TECPR2: variants seen among roughly 807,000 people sequenced by gnomAD.
TECPR2 encodes tectonin beta-propeller repeat containing 2, also known as tectonin beta-propeller repeat-containing protein 2.
A neutral mutation model predicts 138.1 loss-of-function variants in TECPR2; 65 were observed. The observed-to-expected ratio is 0.47, with a 90% CI of 0.39 to 0.58. The LOEUF (loss-of-function observed/expected upper bound fraction) is 0.58, where lower values mean the gene tolerates loss of function less well. Among genes scored for constraint, TECPR2 ranks in the 20% least tolerant of loss-of-function variants. The pLI is 0.00. For missense variants in TECPR2, 1,553 were observed against 1,824.5 expected, an observed-to-expected ratio of 0.85 and a Z score of 2.71; for synonymous variants, 746 against 749.8, an observed-to-expected ratio of 0.99 and a Z score of 0.08.
At chr14:102,380,710 G>A (rs533545183) in intron 2 of TECPR2, among the ~76,000 whole-genome samples, 2 of 152,148 alleles carry the variant, frequency 1.3e-5, no homozygotes, top group African/African-American at 2.4e-5. Flanking sequence ...ACGGAGTCTC[G>A]CTCTGTCGCC....
chr14:102,414,744 T>C lies in TECPR2; in HGVS notation c.589T>C (p.Tyr197His), dbSNP rs1477883198. 1 of 1,614,254 alleles carries C rather than the reference T, an allele frequency of 6.2e-7. No individual in the cohort carries two copies. The highest frequency in any genetic ancestry group is 1.1e-5 in the South Asian group (1 of 91,088). ...VSTLQRSLLF[Y>H]TEEKSVRQIG... ...TACTCTGCAAAGAAGTCTGCTCTTT[T>C]ACACTGAAGAAAAGTCTGTAAGGCA... Residue 197 changes from tyrosine (Y) to histidine (H), a missense_variant, in exon 5 of 20, where the codon TAC becomes CAC. Transcript: ENST00000359520.
At chr14:102,396,910 T>C (rs1306507534) in intron 2 of TECPR2, among the ~76,000 whole-genome samples, 1 of 152,226 alleles carries the variant, frequency 6.6e-6, no homozygotes, top group Non-Finnish European at 1.5e-5. Context: ...TGGGTGGCCA[T>C]TGTCGTTACA....
chr14:102,426,280 T>A lies in TECPR2; in HGVS notation c.951+989T>A, dbSNP rs1204651341. ...CAAATTTCCAACATCATTAAAATCA[T>A]GGTAGGAAATAATTTCTGCTTAAAC... is the stretch of plus-strand genomic sequence containing the variant. On this transcript the variant is annotated intron_variant, in intron 6 of 19. Coordinates refer to ENST00000359520, the MANE Select transcript of TECPR2 (RefSeq NM_014844.5). Among the ~76,000 whole-genome samples, 3 of 152,206 alleles carry A rather than the reference T, an allele frequency of 2.0e-5. No individual in the cohort carries two copies. The East Asian group carries it at 5.8e-4, about 29-fold the overall frequency.
At position 102,370,008 on chromosome 14, in the gene TECPR2, C is replaced by T. The variant is rs538372349; in HGVS notation, c.-72-6642C>T. Among the ~76,000 whole-genome samples the T allele has an allele frequency of 9.9e-5, 15 of 152,166 alleles. No homozygotes were observed. The East Asian group carries it at 2.7e-3, about 28-fold the overall frequency. Reference sequence around the variant, plus strand: ...AAACAAACCCTTGGGCTCAAGTGATCTGCCCACCTCAACCTCCCAAAGTAC... The same window carrying T: ...AAACAAACCCTTGGGCTCAAGTGATTTGCCCACCTCAACCTCCCAAAGTAC... On this transcript the variant is annotated intron_variant, in intron 1 of 19. Coordinates refer to ENST00000359520, the MANE Select transcript of TECPR2 (RefSeq NM_014844.5).
At chr14:102,474,831 G>T (rs1388904008) in intron 17 of TECPR2, among the ~76,000 whole-genome samples, 6 of 152,096 alleles carry the variant, frequency 3.9e-5, no homozygotes, top group Non-Finnish European at 7.3e-5. Context: ...ACCCCAGTAG[G>T]TTGTCCCCCC....
chr14:102,388,745 G>T (rs1314554591), intron 2 of TECPR2, among the ~76,000 whole-genome samples: 1 of 151,772 alleles, frequency 6.6e-6, no homozygotes, highest in Non-Finnish European at 1.5e-5. Flanking sequence ...GGCGGATCAC[G>T]AGATCAGGAG....
rs547511562 is a variant in TECPR2 at position 102,458,709 on chromosome 14, G to A, written c.3640+6082G>A. Among the ~76,000 whole-genome samples the A allele has an allele frequency of 7.9e-5, 12 of 151,990 alleles. No homozygotes were observed. In the East Asian group the frequency reaches 1.6e-3, roughly 20 times the overall value. ...CTTCCTGGGGCCTAGCATTCCTTCC[G>A]TGGGCTGCTTTCCTTCAACTCTTCT... On this transcript the variant is annotated intron_variant, in intron 16 of 19. Coordinates refer to ENST00000359520, the MANE Select transcript of TECPR2 (RefSeq NM_014844.5).
rs185548171 is a variant in TECPR2, at chr14:102,401,100, A to G, written c.220-6238A>G. Reference sequence around the variant, plus strand: ...GGTTAATTACCTTAAATGTAAATGGATTAAACTCTCCAATCAAAAGACAAA... The same window carrying G: ...GGTTAATTACCTTAAATGTAAATGGGTTAAACTCTCCAATCAAAAGACAAA... On this transcript the variant is annotated intron_variant, in intron 2 of 19. Transcript: ENST00000359520. Among the ~76,000 whole-genome samples, 120 of 152,168 alleles carry G rather than the reference A, an allele frequency of 7.9e-4. 1 individual carries two copies. The highest frequency in any genetic ancestry group is 2.6e-3 in the Admixed American group (39 of 15,272).
At chr14:102,422,034 A>G (rs1261423245) in intron 5 of TECPR2, among the ~76,000 whole-genome samples, 2 of 152,190 alleles carry the variant, frequency 1.3e-5, no homozygotes, top group East Asian at 3.8e-4. Context: ...GTGGGAGTGT[A>G]GATTGTATAA....
chr14:102,501,510 C>G lies in TECPR2; in HGVS notation c.*3253C>G, dbSNP rs1208160523. On this transcript the variant is annotated 3_prime_UTR_variant, in exon 20 of 20. Coordinates refer to ENST00000359520, the MANE Select transcript of TECPR2 (RefSeq NM_014844.5). The stretch of plus-strand genomic sequence containing the variant: ...TGAACTATGATCACACCACTGCACT[C>G]CAGCCTCGGCGACAGAGCAAGACCT... 6.6e-6 allele frequency: 1 copy of G among 152,174 alleles called. No homozygotes were observed. The highest frequency in any genetic ancestry group is 2.4e-5 in the African/African-American group (1 of 41,496). 9.4% of individuals were successfully genotyped at this position (152,174 alleles called of 1,614,324 possible).
At chr14:102,473,693 C>G (rs984746282) in intron 17 of TECPR2, among the ~76,000 whole-genome samples, 1 of 152,214 alleles carries the variant, frequency 6.6e-6, no homozygotes, top group Non-Finnish European at 1.5e-5. Flanking sequence ...AAACAAATGA[C>G]TCAGTTTTCA....
chr14:102,493,507 T>C (rs1379406455), intron 17 of TECPR2, among the ~76,000 whole-genome samples: 2 of 152,140 alleles, frequency 1.3e-5, no homozygotes. Context: ...GAACCCCAGG[T>C]CCATGGAATG....
chr14:102,365,938 C>G (rs1230650303), intron 1 of TECPR2, among the ~76,000 whole-genome samples: 1 of 152,174 alleles, frequency 6.6e-6, no homozygotes, highest in Non-Finnish European at 1.5e-5. Flanking sequence ...AGTCTCATTA[C>G]GTTCCTCCTT....
chr14:102,365,029 ATG>A (rs1887307119), intron 1 of TECPR2, among the ~76,000 whole-genome samples: 1 of 152,204 alleles, frequency 6.6e-6, no homozygotes, highest in African/African-American at 2.4e-5. Flanking sequence ...TTTAAAATGA[ATG>A]TATTCTTTGG....
At chr14:102,371,398 T>A (rs1388508909) in intron 1 of TECPR2, among the ~76,000 whole-genome samples, 4 of 152,228 alleles carry the variant, frequency 2.6e-5, no homozygotes, top group Admixed American at 1.3e-4. Flanking sequence ...AGGACAGTTT[T>A]GCTGGGAGTT....
At chr14:102,465,327 A>G (rs753862587) in intron 17 of TECPR2, 38 bp downstream of exon 17, 1 of 1,608,344 alleles carries the variant, frequency 6.2e-7, no homozygotes, top group African/African-American at 1.3e-5. Flanking sequence ...ACTCTTCAGT[A>G]AGACAGAAAC....
rs554698974 is a variant in TECPR2, at chr14:102,371,639, A to G, written c.-72-5011A>G. Among the ~76,000 whole-genome samples, 10 of 152,278 alleles carry G rather than the reference A, an allele frequency of 6.6e-5. No homozygotes were observed. In the East Asian group the frequency reaches 1.9e-3, roughly 29 times the overall value. On this transcript the variant is annotated intron_variant, in intron 1 of 19. Transcript: ENST00000359520. ...ACGTGTGAGGCATAAATTGATATGA[A>G]CATTCTTCAAGGCAGTTTGGCAATA...
At chr14:102,434,200 C>T (rs574286940) in intron 8 of TECPR2, 35 bp from the exon 9 acceptor site, 46 of 1,344,210 alleles carry the variant, frequency 3.4e-5, no homozygotes, top group South Asian at 1.4e-4. Context: ...CATATAGAAC[C>T]GTGCCTTATT....
rs775019396 is a variant in TECPR2 at position 102,434,755 on chromosome 14, C to T, written c.1938C>T (p.Asn646=). 2 of 1,613,548 alleles carry T rather than the reference C, an allele frequency of 1.2e-6. No homozygotes were observed. Among genetic ancestry groups the T allele is most frequent in the East Asian group, 2.2e-5 (1 of 44,882 alleles). ...CTTTTTGTGAAGTCCCCCTCCTGAA[C>T]TCACTCACTGTGCCTTCCAGCCTCA... ...QSTFCEVPLL[N]SLTVPSSLSW... is the part of the protein sequence containing the mutation. Residue 646 remains asparagine, a synonymous_variant, in exon 9 of 20, where the codon AAC becomes AAT. Transcript: ENST00000359520.
Sources: allele counts gnomAD v4.1 joint callset (sites outside exome capture counted in the v4.1 genomes callset), GRCh38; gene constraint gnomAD v4.1.1; transcripts MANE v1.5; gene names NCBI Gene and HGNC (gene_info 2026-07-23, HGNC 2026-07-21).